C5orf63: variants seen among roughly 807,000 people sequenced by gnomAD.
C5orf63 encodes the protein chromosome 5 open reading frame 63, also known as glutaredoxin-like protein C5orf63.
Under a neutral mutation model 13.3 loss-of-function variants are expected in C5orf63, and 18 were observed. The ratio of observed to expected loss-of-function variants is 1.36; its 90% CI spans 0.94 to 2.01. The LOEUF is 2.01. C5orf63 is among the 30% of genes most tolerant of loss of function. The pLI is 0.00. For synonymous variants in C5orf63, 38 were observed against 44.7 expected (o/e 0.85, Z 0.60); for missense variants, 118 against 127.7 (o/e 0.92, Z 0.36).
intron 4 of C5orf63, 65 bp downstream of exon 4, chr5:127,052,548 C>A: frequency 2.7e-6 from 3 of 1,098,856 alleles, no homozygotes; most frequent in Non-Finnish European, 3.6e-6. Flanking sequence ...AGGATCCAGG[C>A]AGATACTTTA....
At chr5:127,056,382 G>T (rs1753886366) in intron 3 of C5orf63, 1 of 152,560 alleles carries the variant, frequency 6.6e-6, no homozygotes, top group African/African-American at 2.4e-5. Flanking sequence ...AAAGAAAGAG[G>T]TTTATTGGAC....
At chr5:127,067,022 G>C (rs1754357817) in intron 2 of C5orf63, among the ~76,000 whole-genome samples, 1 of 152,184 alleles carries the variant, frequency 6.6e-6, no homozygotes, top group Non-Finnish European at 1.5e-5. Flanking sequence ...AATCAGAAGA[G>C]ATGCATCTAA....
chr5:127,063,198 G>A (rs895533032), intron 2 of C5orf63, among the ~76,000 whole-genome samples: 4 of 152,148 alleles, frequency 2.6e-5, no homozygotes, highest in African/African-American at 9.7e-5. Flanking sequence ...GGTCTTTATG[G>A]CAGAGTCAAA....
rs1753668896 is a variant in C5orf63 at position 127,051,404 on chromosome 5, G to A, written c.*367C>T. ...AGAGCATTTATTCTTTCATTAAAAAGTTAAGCCCTCCGGGGCAGCAGCAGG... is the reference window on the plus strand; with the variant it reads ...AGAGCATTTATTCTTTCATTAAAAAATTAAGCCCTCCGGGGCAGCAGCAGG... On this transcript the variant is annotated 3_prime_UTR_variant, in exon 5 of 5. Transcript: ENST00000296662. 2.4e-6 allele frequency: 3 copies of A among 1,232,570 alleles called. No individual in the cohort carries two copies. Among genetic ancestry groups the A allele is most frequent in the African/African-American group, 1.6e-5 (1 of 64,390 alleles). 76.4% of individuals were successfully genotyped at this position (1,232,570 alleles called of 1,614,324 possible).
At chr5:127,064,515 C>G (rs937070292) in intron 2 of C5orf63, among the ~76,000 whole-genome samples, 1 of 152,206 alleles carries the variant, frequency 6.6e-6, no homozygotes, top group Non-Finnish European at 1.5e-5. Flanking sequence ...ACAGTTTGGA[C>G]TGCAGATTTG....
chr5:127,061,059 CT>C (rs1333598380), intron 2 of C5orf63, among the ~76,000 whole-genome samples: 1 of 152,130 alleles, frequency 6.6e-6, no homozygotes, highest in Admixed American at 6.5e-5. Context: ...ACCTCTACCC[CT>C]GATTAGATAC....
At chr5:127,060,117 A>C (rs1313696675) in intron 2 of C5orf63, among the ~76,000 whole-genome samples, 1 of 152,180 alleles carries the variant, frequency 6.6e-6, no homozygotes, top group East Asian at 1.9e-4. Context: ...CAACCTGGGC[A>C]ACAAGAGCAA....
At chr5:127,066,690 G>A (rs1471526557) in intron 2 of C5orf63, among the ~76,000 whole-genome samples, 20 of 151,830 alleles carry the variant, frequency 1.3e-4, no homozygotes, top group Non-Finnish European at 4.4e-5. Context: ...AAAAAATCCG[G>A]GTCTAAAGAT....
In C5orf63 at chr5:127,058,936, C is replaced by A; in HGVS notation, c.60G>T (p.Leu20Phe). 1.3e-6 allele frequency: 2 copies of A among 1,537,246 alleles called. No homozygotes were observed. Among genetic ancestry groups the A allele is most frequent in the South Asian group, 2.4e-5 (2 of 84,066 alleles). ...QLARSSFGLF[L>F]RNCSASKTTL... Reference sequence around the variant, plus strand: ...TTGTCTTAGAGGCAGAGCAATTTCTCAAGAAGAGTCCAAAGGAGGATCTGG... The same window carrying A: ...TTGTCTTAGAGGCAGAGCAATTTCTAAAGAAGAGTCCAAAGGAGGATCTGG... Residue 20 changes from leucine (L) to phenylalanine (F), a missense_variant, in exon 3 of 5, where the codon TTG (leucine) becomes TTT (phenylalanine). By Grantham distance (22) the Leu-to-Phe change is conservative. Coordinates refer to ENST00000296662, the MANE Select transcript of C5orf63 (RefSeq NM_001164478.2).
chr5:127,070,860 G>C (rs1754512546), intron 2 of C5orf63, among the ~76,000 whole-genome samples: 1 of 152,298 alleles, frequency 6.6e-6, no homozygotes, highest in African/African-American at 2.4e-5. Context: ...GACCAGGCCA[G>C]ATCTCCTTGG....
At chr5:127,047,071 A>C (rs986012990), downstream of C5orf63, 1 of 152,258 alleles carries the variant, frequency 6.6e-6, no homozygotes, top group African/African-American at 2.4e-5. Context: ...CGTGCAATAA[A>C]CTGGCCAAAG....
intron 2 of C5orf63, among the ~76,000 whole-genome samples, chr5:127,063,334 T>C (rs943278123): frequency 6.6e-6 from 1 of 152,224 alleles, no homozygotes; most frequent in East Asian, 1.9e-4. Flanking sequence ...CTGATTATAG[T>C]ACAGAAAGAA....
intron 2 of C5orf63, among the ~76,000 whole-genome samples, chr5:127,064,635 T>G (rs1393130325): frequency 6.6e-6 from 1 of 152,136 alleles, no homozygotes; most frequent in Non-Finnish European, 1.5e-5. Context: ...ACTTCCAGAT[T>G]TCAGTGTCAA....
intron 1 of C5orf63, chr5:127,073,244 C>T (rs1754623520): frequency 6.6e-6 from 1 of 152,102 alleles, no homozygotes; most frequent in Non-Finnish European, 1.5e-5. Flanking sequence ...ATTTACTTCC[C>T]AGAGCGCTAT....
At chr5:127,069,478 C>T (rs1754453941) in intron 2 of C5orf63, among the ~76,000 whole-genome samples, 1 of 152,232 alleles carries the variant, frequency 6.6e-6, no homozygotes, top group Non-Finnish European at 1.5e-5. Flanking sequence ...AATGTCTTCT[C>T]TTTGTCCCTA....
chr5:127,062,169 G>T (rs146027269), intron 2 of C5orf63, among the ~76,000 whole-genome samples: 227 of 152,342 alleles, frequency 1.5e-3, no homozygotes, highest in African/African-American at 5.1e-3. Context: ...AATAAAACCT[G>T]TCATAGTAAG....
chr5:127,049,767 A>G (rs1056628867), downstream of C5orf63, among the ~76,000 whole-genome samples: 1 of 152,240 alleles, frequency 6.6e-6, no homozygotes, highest in Non-Finnish European at 1.5e-5. Context: ...CCAGAAGTCT[A>G]TGCTTGGTGT....
chr5:127,068,113 T>C (rs1754396519), intron 2 of C5orf63, among the ~76,000 whole-genome samples: 1 of 152,138 alleles, frequency 6.6e-6, no homozygotes, highest in African/African-American at 2.4e-5. Flanking sequence ...CACAATTAAA[T>C]GGAAATGCTA....
Position 127,052,689 on chromosome 5 carries a change from C to A in C5orf63, c.115-20G>T. The A allele has an allele frequency of 4.1e-6, 6 of 1,469,640 alleles. No individual in the cohort carries two copies. The highest frequency in any genetic ancestry group is 2.6e-5 in the East Asian group (1 of 39,170). 91.0% of individuals were successfully genotyped at this position (1,469,640 alleles called of 1,614,324 possible). ...TGGGTCCTACAGGAAGAAAAAAAAC[C>A]CAAGCGATTAAACCCAAAGAATGGC... is the stretch of plus-strand genomic sequence containing the variant. On this transcript the variant is annotated intron_variant, in intron 3 of 4. Transcript: ENST00000296662.
Sources: allele counts gnomAD v4.1 joint callset (sites outside exome capture counted in the v4.1 genomes callset), GRCh38; gene constraint gnomAD v4.1.1; transcripts MANE v1.5; gene names NCBI Gene and HGNC (gene_info 2026-07-23, HGNC 2026-07-21).